The following TAB2 variants were observed in gnomAD, a reference collection of about 807,000 sequenced individuals.
TAB2 encodes TGF-beta-activated kinase 1 and MAP3K7-binding protein 2.
A neutral mutation model predicts 65.0 loss-of-function variants in TAB2; 3 were observed. That is an observed-to-expected ratio of 0.05 (90% CI 0.02 to 0.12). The LOEUF is 0.12. TAB2 is among the 10% of genes least tolerant of loss of function. The pLI, the probability that TAB2 is intolerant of heterozygous loss-of-function variation, is 1.00. For missense variants in TAB2, 623 were observed against 840.3 expected, an observed-to-expected ratio of 0.74 and a Z score of 3.20; for synonymous variants, 298 against 285.1, an observed-to-expected ratio of 1.05 and a Z score of -0.46.
intron 1 of TAB2, among the ~76,000 whole-genome samples, chr6:149,233,694 C>T (rs749166222): frequency 3.3e-5 from 5 of 152,198 alleles, no homozygotes; most frequent in African/African-American, 1.2e-4. Context: ...TCACAATATA[C>T]TTGTTTATTA....
intron 6 of TAB2, chr6:149,400,572 C>T (rs769921334): frequency 3.7e-5 from 59 of 1,614,040 alleles, no homozygotes; most frequent in East Asian, 4.5e-5. Flanking sequence ...GATCAGATTC[C>T]GATTTGGTGG....
rs907388725 is a variant in TAB2 at position 149,242,061 on chromosome 6, T to G, written c.-121+23285T>G. On this transcript the variant is annotated intron_variant, in intron 1 of 1. Transcript: ENST00000606202. ...GTGCCATTGGGCTCCAGCTTCCCAT[T>G]AGGAAACTGAATCTCTGCAGGATAT... 3.9e-5 allele frequency among the ~76,000 whole-genome samples: 6 copies of G among 152,126 alleles called. 1 individual carries two copies. Among genetic ancestry groups the G allele is most frequent in the African/African-American group, 1.4e-4 (6 of 41,422 alleles).
intron 1 of TAB2, among the ~76,000 whole-genome samples, chr6:149,332,937 C>G (rs912999387): frequency 3.3e-5 from 5 of 152,114 alleles, no homozygotes; most frequent in Admixed American, 6.5e-5. Flanking sequence ...TGATTATTAG[C>G]TCCAATAATA....
At chr6:149,344,654 C>T (rs1159910312) in intron 1 of TAB2, among the ~76,000 whole-genome samples, 2 of 151,928 alleles carry the variant, frequency 1.3e-5, no homozygotes, top group African/African-American at 4.8e-5. Flanking sequence ...AATGGGAATC[C>T]GTTGAAGATT....
Position 149,250,986 on chromosome 6 carries a change from G to A in TAB2, c.-121+32210G>A, listed in dbSNP as rs534510878. On this transcript the variant is annotated intron_variant, in intron 1 of 1. Transcript: ENST00000606202. ...TCACGCTTATTTCCAAAGGATATTTGCTGTCCCCATAGCAGCCAGCTTTCA... is the reference window on the plus strand; with the variant it reads ...TCACGCTTATTTCCAAAGGATATTTACTGTCCCCATAGCAGCCAGCTTTCA... Among the ~76,000 whole-genome samples the A allele has an allele frequency of 2.6e-5, 4 of 152,208 alleles. No individual in the cohort carries two copies. In the East Asian group the frequency reaches 7.7e-4, roughly 29 times the overall value.
rs1782232990 is a variant in TAB2 at position 149,397,970 on chromosome 6, T to A, written c.1766T>A (p.Leu589His). ...RSNSISQIPS[L>H]EEMQQLRSCN... Reference sequence around the variant, plus strand: ...TACTTACATAGAATTATTTTTCAGCTTGAAGAAATGCAGCAGCTGAGAAGT... The same window carrying A: ...TACTTACATAGAATTATTTTTCAGCATGAAGAAATGCAGCAGCTGAGAAGT... The change falls in exon 5 of 7, where the codon CTT becomes CAT. Residue 589 changes from leucine (L) to histidine (H), a missense_variant and splice_region_variant. Leu to His is a moderately conservative substitution (Grantham distance 99). Around this residue, in one of 3 missense-constraint regions of TAB2, gnomAD observed 56 missense variants for 130.3 expected, o/e 0.43. Transcript: ENST00000637181. 6.2e-7 allele frequency: 1 copy of A among 1,613,232 alleles called. No homozygotes were observed. The highest frequency in any genetic ancestry group is 8.5e-7 in the Non-Finnish European group (1 of 1,179,658).
chr6:149,245,735 C>T (rs891579122), intron 1 of TAB2, among the ~76,000 whole-genome samples: 4 of 152,152 alleles, frequency 2.6e-5, no homozygotes, highest in Admixed American at 1.3e-4. Context: ...CTTAATAATA[C>T]CTCATGGACA....
intron 1 of TAB2, among the ~76,000 whole-genome samples, chr6:149,358,361 T>C (rs951636654): frequency 2.6e-5 from 4 of 152,202 alleles, no homozygotes; most frequent in Admixed American, 6.5e-5. Context: ...TAAGTACTTA[T>C]GTGAAATTTT....
intron 1 of TAB2, chr6:149,342,508 A>C (rs540295422): frequency 6.6e-6 from 1 of 152,234 alleles, no homozygotes; most frequent in Non-Finnish European, 1.5e-5. Context: ...TGGCTTAACC[A>C]AAGTAAACAG....
intron 1 of TAB2, among the ~76,000 whole-genome samples, chr6:149,368,564 A>G (rs993715793): frequency 1.3e-5 from 2 of 151,896 alleles, no homozygotes; most frequent in African/African-American, 2.4e-5. Context: ...CACTTAAATT[A>G]TTTTAAATGT....
rs899841360 is a variant in TAB2 at position 149,411,589 on chromosome 6, TAAA to T, written c.*1874_*1876del. 126 of 153,760 alleles carry T rather than the reference TAAA, an allele frequency of 8.2e-4. 1 individual carries two copies. Among genetic ancestry groups the T allele is most frequent in the Admixed American group, 8.2e-3 (125 of 15,288 alleles). 9.5% of individuals were successfully genotyped at this position (153,760 alleles called of 1,614,324 possible). Reference sequence around the variant, plus strand: ...TAACAGATAAGTTATTTATAAAAATTAAAAAACTTATATTCTAATGTGGATTTT... The same window carrying T: ...TAACAGATAAGTTATTTATAAAAATTAAACTTATATTCTAATGTGGATTTT... On this transcript the variant is annotated 3_prime_UTR_variant, in exon 7 of 7. Transcript: ENST00000637181.
At chr6:149,344,461 T>C (rs1780230435) in intron 1 of TAB2, among the ~76,000 whole-genome samples, 1 of 152,176 alleles carries the variant, frequency 6.6e-6, no homozygotes, top group Non-Finnish European at 1.5e-5. Flanking sequence ...ATAAATAGAA[T>C]TCTTTAGAGA....
intron 1 of TAB2, among the ~76,000 whole-genome samples, chr6:149,329,249 CA>C (rs1779712024): frequency 6.6e-6 from 1 of 152,122 alleles, no homozygotes; most frequent in Admixed American, 6.5e-5. Context: ...AAGAGGCAGG[CA>C]TATAAGTATC....
At chr6:149,316,179 C>T (rs916147415), upstream of TAB2, among the ~76,000 whole-genome samples, 14 of 152,182 alleles carry the variant, frequency 9.2e-5, no homozygotes, top group African/African-American at 2.7e-4. Context: ...TTTGTAAATC[C>T]TAATTTTACT....
chr6:149,219,883 G>A (rs370398034), intron 1 of TAB2, among the ~76,000 whole-genome samples: 19 of 152,166 alleles, frequency 1.2e-4, no homozygotes, highest in East Asian at 3.9e-4. Context: ...ACCTCTTTAC[G>A]CTCTTAAAAA....
At chr6:149,400,743 A>C in intron 6 of TAB2, 138 of 1,545,290 alleles carry the variant, frequency 8.9e-5, no homozygotes, top group Non-Finnish European at 1.1e-4. Flanking sequence ...CTGCATTCTC[A>C]ATTAGAAAAC....
chr6:149,398,341 T>G (rs2114944132), intron 5 of TAB2, among the ~76,000 whole-genome samples: 1 of 152,354 alleles, frequency 6.6e-6, no homozygotes, highest in Admixed American at 6.5e-5. Context: ...CAATGTTTTC[T>G]TATAGTAAAT....
intron 6 of TAB2, among the ~76,000 whole-genome samples, chr6:149,403,243 AAAAAAT>A (rs1562456042): frequency 2.9e-4 from 14 of 48,924 alleles, no homozygotes; most frequent in Middle Eastern, 7.9e-3. Flanking sequence ...CTAAAAAAAA[AAAAAAT>A]ATATATATAT....
chr6:149,304,980 G>T (rs1779036000), intron 1 of TAB2, among the ~76,000 whole-genome samples: 1 of 151,972 alleles, frequency 6.6e-6, no homozygotes, highest in Admixed American at 6.6e-5. Flanking sequence ...TATAATCTAT[G>T]ATTTATGATA....
Sources: allele counts gnomAD v4.1 joint callset (sites outside exome capture counted in the v4.1 genomes callset), GRCh38; gene constraint gnomAD v4.1.1; regional missense constraint gnomAD v4.1.1; transcripts MANE v1.5; gene names NCBI Gene and HGNC (gene_info 2026-07-23, HGNC 2026-07-21).